Variants in SEMA3E observed in about 807,000 individuals in gnomAD.
SEMA3E encodes semaphorin 3E, also known as semaphorin-3E.
Under a neutral mutation model 93.6 loss-of-function variants are expected in SEMA3E, and 49 were observed. That is an observed-to-expected ratio of 0.52 (90% CI 0.42 to 0.66). The LOEUF is 0.66. SEMA3E is among the 30% of genes least tolerant of loss of function. The pLI, the probability that SEMA3E is intolerant of heterozygous loss-of-function variation, is 0.00. For synonymous variants in SEMA3E, 363 were observed against 330.7 expected, an observed-to-expected ratio of 1.10 and a Z score of -1.06; for missense variants, 906 against 964.8, an observed-to-expected ratio of 0.94 and a Z score of 0.81.
Position 83,367,481 on chromosome 7 carries a change from C to G in SEMA3E, c.*105G>C, listed in dbSNP as rs1794685766. ...CACCTTCATAGTCATTCCTGTATTA[C>G]AGAAATCTCTTTTAAGTAATGCAAA... On this transcript the variant is annotated 3_prime_UTR_variant, in exon 17 of 17. Transcript: ENST00000643230. The G allele has an allele frequency of 3.5e-6, 4 of 1,154,084 alleles. No homozygotes were observed. In the South Asian group the frequency reaches 5.0e-5, roughly 14 times the overall value. 71.5% of individuals were successfully genotyped at this position (1,154,084 alleles called of 1,614,324 possible).
rs750972519 is a variant in SEMA3E, at chr7:83,367,935, C to T, written c.1979G>A (p.Ser660Asn). 1 of 1,612,814 alleles carries T rather than the reference C, an allele frequency of 6.2e-7. No homozygotes were observed. The highest frequency in any genetic ancestry group is 8.5e-7 in the Non-Finnish European group (1 of 1,179,444). The change falls in exon 17 of 17, where the codon AGC becomes AAC. Residue 660 changes from serine (S) to asparagine (N), a missense_variant. Ser to Asn is a conservative substitution (Grantham distance 46). Transcript: ENST00000643230. ...GATTTTACGGACCGTATGGACAAAG[C>T]TATGCTCTACTGTCTGGCAAAAATA... is the stretch of plus-strand genomic sequence containing the variant. ...GTYFCQTVEH[S>N]FVHTVRKITL...
intron 1 of SEMA3E, among the ~76,000 whole-genome samples, chr7:83,526,418 A>C (rs1791160691): frequency 6.6e-6 from 1 of 152,134 alleles, no homozygotes; most frequent in Non-Finnish European, 1.5e-5. Context: ...GGGATATTGG[A>C]GAGGAAGTAG....
At chr7:83,616,416 A>T (rs980482777) in intron 1 of SEMA3E, among the ~76,000 whole-genome samples, 2 of 152,150 alleles carry the variant, frequency 1.3e-5, no homozygotes, top group African/African-American at 4.8e-5. Context: ...TTGAGATGAA[A>T]CATCTTACCA....
rs148910594 is a variant in SEMA3E, at chr7:83,419,047, C to T, written c.457-564G>A. 5.0e-3 allele frequency among the ~76,000 whole-genome samples: 766 copies of T among 151,998 alleles called. 7 individuals are homozygous for T. Among genetic ancestry groups the T allele is most frequent in the African/African-American group, 0.017 (718 of 41,468 alleles). On this transcript the variant is annotated intron_variant, in intron 4 of 16. Transcript: ENST00000643230. ...CATTTTGTCAGCCCCTGCCCCCCTA[C>T]GTCTCATCCCCCTCCAGTGGTCTCC...
chr7:83,420,391 A>G (rs1480675302), intron 4 of SEMA3E, among the ~76,000 whole-genome samples: 1 of 152,206 alleles, frequency 6.6e-6, no homozygotes, highest in African/African-American at 2.4e-5. Context: ...AAAGCAATCT[A>G]CAGATTCATT....
At chr7:83,406,517 C>T (rs780680758) in intron 7 of SEMA3E, among the ~76,000 whole-genome samples, 43 of 151,760 alleles carry the variant, frequency 2.8e-4, no homozygotes, top group Non-Finnish European at 4.7e-4. Flanking sequence ...TAAATATATA[C>T]ATACACCACA....
intron 1 of SEMA3E, among the ~76,000 whole-genome samples, chr7:83,562,841 T>A (rs1792060383): frequency 6.6e-6 from 1 of 152,108 alleles, no homozygotes; most frequent in African/African-American, 2.4e-5. Context: ...ATTGTGCAGA[T>A]ACTGAAAAAT....
At chr7:83,386,876 A>G in intron 15 of SEMA3E, 107 bp downstream of exon 15, 8 of 976,962 alleles carry the variant, frequency 8.2e-6, no homozygotes, top group African/African-American at 1.6e-5. Context: ...ACATTGTTCT[A>G]GTATACATGA....
chr7:83,460,668 T>C (rs1387830648), intron 4 of SEMA3E, among the ~76,000 whole-genome samples: 2 of 64,162 alleles, frequency 3.1e-5, no homozygotes, highest in East Asian at 2.9e-3. Context: ...CTCATATCTC[T>C]GCGCCCCAAT....
chr7:83,584,586 C>T (rs149082426), intron 1 of SEMA3E, among the ~76,000 whole-genome samples: 22 of 152,242 alleles, frequency 1.4e-4, no homozygotes, highest in Admixed American at 2.6e-4. Flanking sequence ...CAGCTCAGAA[C>T]GTTCCAAACA....
rs1280522221 is a variant in SEMA3E, at chr7:83,575,439, A to ATGTT, written c.115+72985_115+72988dup. ...AATATTATTTAATAGTTTTACTTAC[A>ATGTT]TGTTATTGGATATACTTTATTTGAT... On this transcript the variant is annotated intron_variant, in intron 1 of 16. Transcript: ENST00000643230. Among the ~76,000 whole-genome samples, 9 of 152,176 alleles carry ATGTT rather than the reference A, an allele frequency of 5.9e-5. 1 individual carries two copies. The highest frequency in any genetic ancestry group is 2.2e-4 in the African/African-American group (9 of 41,520).
intron 1 of SEMA3E, among the ~76,000 whole-genome samples, chr7:83,514,146 T>C (rs1466304823): frequency 6.6e-6 from 1 of 152,096 alleles, no homozygotes; most frequent in Non-Finnish European, 1.5e-5. Flanking sequence ...CATGGCAATG[T>C]CAAGAAGTTA....
chr7:83,597,865 A>G (rs2115970073), intron 1 of SEMA3E, among the ~76,000 whole-genome samples: 1 of 152,236 alleles, frequency 6.6e-6, no homozygotes, highest in East Asian at 1.9e-4. Flanking sequence ...CTCTTGTATA[A>G]AGAGAGAATT....
chr7:83,487,395 G>T (rs1790281809), intron 2 of SEMA3E, among the ~76,000 whole-genome samples: 1 of 152,034 alleles, frequency 6.6e-6, no homozygotes, highest in African/African-American at 2.4e-5. Context: ...CAATGAAAAG[G>T]TTGTTAATTT....
chr7:83,420,796 T>C (rs1029316867), intron 4 of SEMA3E, among the ~76,000 whole-genome samples: 2 of 152,224 alleles, frequency 1.3e-5, no homozygotes, highest in African/African-American at 4.8e-5. Context: ...ATGGGGCTCC[T>C]ACTTTTGCCA....
intron 1 of SEMA3E, among the ~76,000 whole-genome samples, chr7:83,508,349 G>T (rs182438479): frequency 6.7e-6 from 1 of 148,744 alleles, no homozygotes; most frequent in Non-Finnish European, 1.5e-5. Context: ...TGCAACCTCT[G>T]CCTCCTGGGT....
chr7:83,573,483 T>C (rs1025221118), intron 1 of SEMA3E, among the ~76,000 whole-genome samples: 2 of 152,128 alleles, frequency 1.3e-5, no homozygotes, highest in East Asian at 3.8e-4. Flanking sequence ...CCAGCAAAGT[T>C]TGCAATTCCG....
At chr7:83,498,736 C>T (rs1790540586) in intron 1 of SEMA3E, among the ~76,000 whole-genome samples, 1 of 152,100 alleles carries the variant, frequency 6.6e-6, no homozygotes, top group Admixed American at 6.5e-5. Context: ...ACCTTGGCCT[C>T]CCAAAGTCGT....
chr7:83,642,682 C>A (rs1015932951), intron 1 of SEMA3E, among the ~76,000 whole-genome samples: 2 of 152,060 alleles, frequency 1.3e-5, no homozygotes, highest in African/African-American at 4.8e-5. Flanking sequence ...AAATAACCAT[C>A]ATCCTTTGTA....
Sources: gnomAD v4.1 joint callset for allele counts (sites outside exome capture counted in the v4.1 genomes callset) on GRCh38, gnomAD v4.1.1 for gene constraint, MANE v1.5 for transcripts, NCBI Gene and HGNC (gene_info 2026-07-23, HGNC 2026-07-21) for gene names.